BICC1: variants seen among roughly 807,000 people sequenced by gnomAD.
The protein encoded by BICC1 is BicC family RNA binding protein 1, also known as protein bicaudal C homolog 1.
A neutral mutation model predicts 111.0 loss-of-function variants in BICC1; 43 were observed. The observed-to-expected ratio is 0.39, with a 90% CI of 0.30 to 0.50. The LOEUF is 0.50. Ranked by LOEUF, BICC1 falls within the 20% of genes least tolerant of loss-of-function variation. The probability of loss-of-function intolerance (pLI) is 0.88; values close to 1 mark genes in which losing one functional copy is unlikely to be tolerated. For synonymous variants in BICC1, 467 were observed against 434.4 expected (o/e 1.07, Z -0.93); for missense variants, 1,091 against 1,203.2 (o/e 0.91, Z 1.38).
At position 58,601,173 on chromosome 10, in the gene BICC1, T is replaced by TATATATATATATATAA. The variant is rs752405472; in HGVS notation, c.191-19682_191-19681insATATATATATATATAA. On this transcript the variant is annotated intron_variant, in intron 1 of 20. Coordinates refer to ENST00000373886, the MANE Select transcript of BICC1 (RefSeq NM_001080512.3). ...ATATATATATATATATATATATATCTCCCAATAAAATTTGGAAAATAAAAA... is the reference window on the plus strand; with the variant it reads ...ATATATATATATATATATATATATCTATATATATATATATAACCCAATAAAATTTGGAAAATAAAAA... 4.9e-4 allele frequency among the ~76,000 whole-genome samples: 64 copies of TATATATATATATATAA among 131,068 alleles called. 1 individual carries two copies. Among genetic ancestry groups the TATATATATATATATAA allele is most frequent in the African/African-American group, 1.5e-3 (54 of 35,770 alleles). The allele number at this position is 131,068 out of a possible 152,430, so 86.0% of individuals were successfully genotyped here.
At chr10:58,668,398 T>C (rs200382626) in intron 2 of BICC1, among the ~76,000 whole-genome samples, 5 of 152,080 alleles carry the variant, frequency 3.3e-5, no homozygotes, top group African/African-American at 7.2e-5. Flanking sequence ...AATTTTTTTT[T>C]CCAGATGAAT....
At chr10:58,541,019 A>T (rs1842963734) in intron 1 of BICC1, among the ~76,000 whole-genome samples, 1 of 152,076 alleles carries the variant, frequency 6.6e-6, no homozygotes, top group South Asian at 2.1e-4. Flanking sequence ...TCATGACAAA[A>T]CACTAACCAA....
chr10:58,693,808 G>C lies in BICC1; in HGVS notation c.238-8266G>C, dbSNP rs1014516775. Among the ~76,000 whole-genome samples, 4 of 151,680 alleles carry C rather than the reference G, an allele frequency of 2.6e-5. No homozygotes were observed. In the South Asian group the frequency reaches 6.2e-4, roughly 24 times the overall value. On this transcript the variant is annotated intron_variant, in intron 2 of 20. Transcript: ENST00000373886. Reference sequence around the variant, plus strand: ...TGCAAAAATTTTCTCCCATTCTGTAGGTTGCCTGTTCACTCTGATGGTAGT... The same window carrying C: ...TGCAAAAATTTTCTCCCATTCTGTACGTTGCCTGTTCACTCTGATGGTAGT...
intron 3 of BICC1, among the ~76,000 whole-genome samples, chr10:58,739,102 C>T (rs1841570307): frequency 2.0e-5 from 3 of 152,106 alleles, no homozygotes; most frequent in Non-Finnish European, 4.4e-5. Flanking sequence ...ATTGCCCTGG[C>T]CAGAACTTCC....
intron 1 of BICC1, among the ~76,000 whole-genome samples, chr10:58,585,346 G>C (rs1167519462): frequency 1.3e-5 from 2 of 152,122 alleles, no homozygotes; most frequent in Non-Finnish European, 2.9e-5. Context: ...GGTCACTTTT[G>C]AACAGTTCCT....
Position 58,830,870 on chromosome 10 carries a change from A to G in BICC1, c.*1979A>G, listed in dbSNP as rs755540162. The G allele has an allele frequency of 1.6e-4, 24 of 152,182 alleles. No homozygotes were observed. Among genetic ancestry groups the G allele is most frequent in the Non-Finnish European group, 2.6e-4 (18 of 68,026 alleles). The allele number at this position is 152,182 out of a possible 1,614,324, so 9.4% of individuals were successfully genotyped here. A position where few individuals can be genotyped will look rare whatever the true frequency, so the allele number is the denominator to read the frequency against. On this transcript the variant is annotated 3_prime_UTR_variant, in exon 21 of 21. Transcript: ENST00000373886. ...GCTAAACATGTAGTACAGGTTAACA[A>G]TACCAGATTTATGTCCTGTTCAACA...
chr10:58,558,515 C>T (rs899929473), intron 1 of BICC1, among the ~76,000 whole-genome samples: 4 of 151,974 alleles, frequency 2.6e-5, no homozygotes, highest in East Asian at 1.9e-4. Context: ...GTTGCTTGTT[C>T]GGTGTAAAAC....
intron 2 of BICC1, among the ~76,000 whole-genome samples, chr10:58,653,079 T>C (rs1838502121): frequency 6.6e-6 from 1 of 152,192 alleles, no homozygotes; most frequent in South Asian, 2.1e-4. Context: ...ACCTTAGAGC[T>C]AATCATTGAT....
At chr10:58,690,643 C>T (rs1839882660) in intron 2 of BICC1, among the ~76,000 whole-genome samples, 1 of 152,166 alleles carries the variant, frequency 6.6e-6, no homozygotes, top group African/African-American at 2.4e-5. Flanking sequence ...TCCTTGCCTG[C>T]TCACCCAGTA....
chr10:58,744,861 T>C (rs1000333435), intron 3 of BICC1, among the ~76,000 whole-genome samples: 4 of 152,126 alleles, frequency 2.6e-5, no homozygotes, highest in Non-Finnish European at 5.9e-5. Flanking sequence ...GATAGCCTTA[T>C]AGGAACTGAA....
intron 20 of BICC1, among the ~76,000 whole-genome samples, chr10:58,827,212 A>G (rs540281201): frequency 2.6e-5 from 4 of 152,326 alleles, no homozygotes; most frequent in African/African-American, 7.2e-5. Flanking sequence ...CTTTATGGAA[A>G]GGATTGTCAA....
intron 1 of BICC1, among the ~76,000 whole-genome samples, chr10:58,513,677 C>T (rs1005873256): frequency 6.6e-6 from 1 of 152,228 alleles, no homozygotes; most frequent in Non-Finnish European, 1.5e-5. Flanking sequence ...CCGGACCACT[C>T]GGGCCGCACA....
chr10:58,745,273 C>T (rs916152983), intron 3 of BICC1, among the ~76,000 whole-genome samples: 1 of 152,066 alleles, frequency 6.6e-6, no homozygotes, highest in Non-Finnish European at 1.5e-5. Flanking sequence ...GCTGGTTCCG[C>T]CACTTATTGG....
At chr10:58,670,424 C>A (rs1839149904) in intron 2 of BICC1, among the ~76,000 whole-genome samples, 1 of 152,116 alleles carries the variant, frequency 6.6e-6, no homozygotes, top group Non-Finnish European at 1.5e-5. Context: ...TCATCCTACG[C>A]CTTCCAAAAA....
chr10:58,659,470 A>G (rs1005504380), intron 2 of BICC1, among the ~76,000 whole-genome samples: 1 of 152,214 alleles, frequency 6.6e-6, no homozygotes, highest in African/African-American at 2.4e-5. Context: ...TCCTAAGTGA[A>G]CTAACACAGG....
intron 1 of BICC1, among the ~76,000 whole-genome samples, chr10:58,550,126 C>T (rs1438298772): frequency 6.6e-6 from 1 of 151,988 alleles, no homozygotes; most frequent in Non-Finnish European, 1.5e-5. Flanking sequence ...AGTAATCCTC[C>T]ACCTCAGCCT....
In BICC1 at chr10:58,809,097, A is replaced by C. The variant is rs189862060; in HGVS notation, c.2376+1939A>C. Among the ~76,000 whole-genome samples the C allele has an allele frequency of 1.3e-4, 20 of 152,214 alleles. No homozygotes were observed. In the East Asian group the frequency reaches 3.9e-3, roughly 29 times the overall value. On this transcript the variant is annotated intron_variant, in intron 17 of 20. Transcript: ENST00000373886. The stretch of plus-strand genomic sequence containing the variant: ...GAGTGCAATGGCAGGATCTCGCCTC[A>C]CTGCAACCTGTGCCTCCCAGGTTCA...
At chr10:58,808,424 G>C (rs184110291) in intron 17 of BICC1, among the ~76,000 whole-genome samples, 35 of 152,306 alleles carry the variant, frequency 2.3e-4, no homozygotes, top group Admixed American at 7.2e-4. Flanking sequence ...AAGTGTGCCA[G>C]ATTGTTGACT....
rs115582794 is a variant in BICC1 at position 58,709,499 on chromosome 10, G to A, written c.307+7356G>A. On this transcript the variant is annotated intron_variant, in intron 3 of 20. Transcript: ENST00000373886. ...CAGCTCTCCAAAGGGTAAGGAGCAC[G>A]TGGATTTTGTGAATCCGTCTATCCC... 1.9e-3 allele frequency among the ~76,000 whole-genome samples: 294 copies of A among 152,318 alleles called. 3 individuals are homozygous for A. Among genetic ancestry groups the A allele is most frequent in the Middle Eastern group, 6.8e-3 (2 of 294 alleles).
Sources: gnomAD v4.1 joint callset for allele counts (sites outside exome capture counted in the v4.1 genomes callset) on GRCh38, gnomAD v4.1.1 for gene constraint, MANE v1.5 for transcripts, NCBI Gene and HGNC (gene_info 2026-07-23, HGNC 2026-07-21) for gene names.